EPB41L4B: variants seen among roughly 807,000 people sequenced by gnomAD.
EPB41L4B encodes the protein erythrocyte membrane protein band 4.1 like 4B, also known as band 4.1-like protein 4B.
A neutral mutation model predicts 112.5 loss-of-function variants in EPB41L4B; 30 were observed. That is an observed-to-expected ratio of 0.27 (90% CI 0.20 to 0.36). The LOEUF (loss-of-function observed/expected upper bound fraction) is 0.36, where lower values mean the gene tolerates loss of function less well. Among genes scored for constraint, EPB41L4B ranks in the 10% least tolerant of loss-of-function variants. EPB41L4B has a pLI of 1.00. For missense variants in EPB41L4B, 1,024 were observed against 1,133.3 expected (o/e 0.90, Z 1.38); for synonymous variants, 408 against 439.7 (o/e 0.93, Z 0.90).
At chr9:109,282,927 C>A (rs562826837) in intron 1 of EPB41L4B, among the ~76,000 whole-genome samples, 65 of 152,142 alleles carry the variant, frequency 4.3e-4, no homozygotes, top group African/African-American at 1.5e-3. Flanking sequence ...AGTGATCCGC[C>A]CACCTCGGCG....
rs139118982 is a variant in EPB41L4B at position 109,203,183 on chromosome 9, T to A, written c.1946+480A>T. 6.2e-3 allele frequency among the ~76,000 whole-genome samples: 940 copies of A among 152,240 alleles called. 12 individuals are homozygous for A. Among genetic ancestry groups the A allele is most frequent in the Middle Eastern group, 0.024 (7 of 294 alleles). ...AATAATAATTAAATAAATACATTTTTAAAAGGAACATATGTGGCTCCAGCA... is the reference window on the plus strand; with the variant it reads ...AATAATAATTAAATAAATACATTTTAAAAAGGAACATATGTGGCTCCAGCA... On this transcript the variant is annotated intron_variant, in intron 19 of 25. Coordinates refer to ENST00000374566, the MANE Select transcript of EPB41L4B (RefSeq NM_019114.5).
At chr9:109,209,601 T>G (rs1382492263) in intron 17 of EPB41L4B, among the ~76,000 whole-genome samples, 1 of 149,062 alleles carries the variant, frequency 6.7e-6, no homozygotes, top group Non-Finnish European at 1.5e-5. Context: ...GAGCCAAGAC[T>G]GCACCACTGC....
intron 1 of EPB41L4B, among the ~76,000 whole-genome samples, chr9:109,283,100 G>C (rs1836132944): frequency 6.6e-6 from 1 of 152,208 alleles, no homozygotes; most frequent in African/African-American, 2.4e-5. Context: ...AAATGAAAAT[G>C]CAACGTCTAC....
chr9:109,235,422 G>A, intron 15 of EPB41L4B, among the ~76,000 whole-genome samples: 1 of 118,718 alleles, frequency 8.4e-6, no homozygotes, highest in East Asian at 2.7e-4. Flanking sequence ...TTTAGATAGA[G>A]TCTCACACTG....
chr9:109,240,692 C>T (rs1209660582), intron 15 of EPB41L4B: 1 of 985,304 alleles, frequency 1.0e-6, no homozygotes, highest in Non-Finnish European at 1.2e-6. Flanking sequence ...CTACAGAATG[C>T]TTTGGCACAA....
rs1018436627 is a variant in EPB41L4B at position 109,173,412 on chromosome 9, T to G, written c.*1142A>C. 2 of 45,434 alleles carry G rather than the reference T, an allele frequency of 4.4e-5. No homozygotes were observed. Among genetic ancestry groups the G allele is most frequent in the Non-Finnish European group, 9.6e-5 (2 of 20,914 alleles). 2.8% of individuals were successfully genotyped at this position (45,434 alleles called of 1,614,324 possible). A position where few individuals can be genotyped will look rare whatever the true frequency, so the allele number is the denominator to read the frequency against. The stretch of plus-strand genomic sequence containing the variant: ...GGGAATAATCCAAAAGAAGGAGCAG[T>G]TTTTTTTTTTTACAGACATTCATAG... On this transcript the variant is annotated 3_prime_UTR_variant, in exon 26 of 26. Coordinates refer to ENST00000374566, the MANE Select transcript of EPB41L4B (RefSeq NM_019114.5).
At chr9:109,299,690 C>T (rs1836882326) in intron 1 of EPB41L4B, among the ~76,000 whole-genome samples, 1 of 152,180 alleles carries the variant, frequency 6.6e-6, no homozygotes, top group South Asian at 2.1e-4. Flanking sequence ...ATGTGCCTGG[C>T]AACCACCATG....
At chr9:109,224,777 A>G (rs1833703831) in intron 15 of EPB41L4B, among the ~76,000 whole-genome samples, 1 of 152,182 alleles carries the variant, frequency 6.6e-6, no homozygotes, top group African/African-American at 2.4e-5. Context: ...ATCATAATCT[A>G]TCTCTAAATC....
chr9:109,244,173 G>A (rs1395996345), intron 14 of EPB41L4B, among the ~76,000 whole-genome samples: 2 of 152,164 alleles, frequency 1.3e-5, no homozygotes, highest in African/African-American at 2.4e-5. Context: ...CAGCAGGGCC[G>A]TGGGTGAAGG....
chr9:109,186,932 C>T (rs1180666487), intron 22 of EPB41L4B, among the ~76,000 whole-genome samples: 7 of 152,166 alleles, frequency 4.6e-5, no homozygotes, highest in Admixed American at 3.9e-4. Context: ...TGGAAAATAC[C>T]AAACATTGTG....
At chr9:109,250,052 GCCT>G (rs1471713407) in intron 13 of EPB41L4B, among the ~76,000 whole-genome samples, 2 of 152,110 alleles carry the variant, frequency 1.3e-5, no homozygotes, top group Non-Finnish European at 2.9e-5. Context: ...GCAGGAACTG[GCCT>G]CTCCCTCCCC....
intron 22 of EPB41L4B, among the ~76,000 whole-genome samples, chr9:109,191,116 A>G (rs1832444549): frequency 6.6e-6 from 1 of 152,154 alleles, no homozygotes; most frequent in African/African-American, 2.4e-5. Context: ...AGATGGCTGG[A>G]GTCCCCTCTT....
At chr9:109,219,328 CT>C (rs1297178496) in intron 15 of EPB41L4B, among the ~76,000 whole-genome samples, 1 of 152,172 alleles carries the variant, frequency 6.6e-6, no homozygotes, top group African/African-American at 2.4e-5. Context: ...CTTATTGTGC[CT>C]TTTTGTGCCA....
At chr9:109,234,100 TAAAA>T (rs11309784) in intron 15 of EPB41L4B, among the ~76,000 whole-genome samples, 1 of 145,484 alleles carries the variant, frequency 6.9e-6, no homozygotes, top group Non-Finnish European at 1.5e-5. Context: ...CAGACTAAGT[TAAAA>T]AAAAAAAAAA....
At chr9:109,316,408 G>C (rs1249019056) in intron 1 of EPB41L4B, among the ~76,000 whole-genome samples, 1 of 152,246 alleles carries the variant, frequency 6.6e-6, no homozygotes, top group Non-Finnish European at 1.5e-5. Context: ...AGCGATGCCA[G>C]GGATTTAGTC....
chr9:109,202,964 G>A (rs1832884953), intron 19 of EPB41L4B, among the ~76,000 whole-genome samples: 1 of 152,098 alleles, frequency 6.6e-6, no homozygotes, highest in Admixed American at 6.6e-5. Flanking sequence ...AGACCAGCCT[G>A]GCCAACATAG....
chr9:109,225,485 A>G (rs1301538711), intron 15 of EPB41L4B, among the ~76,000 whole-genome samples: 1 of 152,234 alleles, frequency 6.6e-6, no homozygotes, highest in Admixed American at 6.5e-5. Context: ...AGAGAGAATG[A>G]GAGCCAAGTG....
At position 109,321,013 on chromosome 9, in the gene EPB41L4B, C is replaced by T; in HGVS notation, c.-567G>A. On this transcript the variant is annotated 5_prime_UTR_variant, in exon 1 of 26. Coordinates refer to ENST00000374566, the MANE Select transcript of EPB41L4B (RefSeq NM_019114.5). ...ACCTGGGAGGCTGCACCTCCAGCCG[C>T]CGCCGCCGCCGCCGCCGCCGCTGCC... 1 of 186,594 alleles carries T rather than the reference C, an allele frequency of 5.4e-6. No individual in the cohort carries two copies. Among genetic ancestry groups the T allele is most frequent in the South Asian group, 1.1e-4 (1 of 8,768 alleles). 11.6% of individuals were successfully genotyped at this position (186,594 alleles called of 1,614,324 possible).
At position 109,290,736 on chromosome 9, in the gene EPB41L4B, C is replaced by T. The variant is rs575990848; in HGVS notation, c.307-10815G>A. ...ATATATATATATATATATACACACA[C>T]ACACATACATATATATACCTCACAC... On this transcript the variant is annotated intron_variant, in intron 1 of 25. Transcript: ENST00000374566. 2.0e-5 allele frequency among the ~76,000 whole-genome samples: 3 copies of T among 149,542 alleles called. No individual in the cohort carries two copies. The South Asian group carries it at 6.4e-4, about 32-fold the overall frequency.
Sources: gnomAD v4.1 joint callset for allele counts (sites outside exome capture counted in the v4.1 genomes callset) on GRCh38, gnomAD v4.1.1 for gene constraint, MANE v1.5 for transcripts, NCBI Gene and HGNC (gene_info 2026-07-23, HGNC 2026-07-21) for gene names.